Variants in WRAP73 observed in about 807,000 individuals in gnomAD.
WRAP73 encodes WD repeat containing, antisense to TP73.
WRAP73 carries 55 observed loss-of-function variants against 59.6 expected under a neutral mutation model. The observed-to-expected ratio is 0.92, with a 90% CI of 0.74 to 1.15. WRAP73 has a LOEUF of 1.15. WRAP73 is among the 50% of genes most tolerant of loss of function. WRAP73 has a pLI of 0.00. For synonymous variants in WRAP73, 265 were observed against 258.2 expected (o/e 1.03, Z -0.25); for missense variants, 592 against 608.1 (o/e 0.97, Z 0.28).
chr1:3,633,564 C>T (rs1644560885), intron 8 of WRAP73, 61 bp from the exon 9 acceptor site: 7 of 1,343,328 alleles, frequency 5.2e-6, no homozygotes, highest in South Asian at 2.8e-5. Flanking sequence ...CAAGGATGGA[C>T]GTGGCAAATG....
chr1:3,647,284 A>G, intron 2 of WRAP73, 124 bp downstream of exon 2: 1 of 1,070,698 alleles, frequency 9.3e-7, no homozygotes, highest in Non-Finnish European at 1.3e-6. Context: ...TTATAATTTC[A>G]AAAGAAAACT....
intron 5 of WRAP73, chr1:3,636,428 C>CTCAT: frequency 6.3e-6 from 2 of 315,572 alleles, no homozygotes; most frequent in South Asian, 2.8e-5. Context: ...CGCACCTGCA[C>CTCAT]TCATGTGCAC....
intron 7 of WRAP73, 21 bp from the exon 8 acceptor site, chr1:3,635,095 C>T (rs758598912): frequency 6.2e-7 from 1 of 1,614,210 alleles, no homozygotes; most frequent in Non-Finnish European, 8.5e-7. Context: ...AAACCATGCA[C>T]AGGTGAGGCA....
In WRAP73 at chr1:3,639,902, C is replaced by T. The variant is rs1442853672; in HGVS notation, c.340-1080G>A. 1.3e-5 allele frequency among the ~76,000 whole-genome samples: 2 copies of T among 152,138 alleles called. No homozygotes were observed. Among genetic ancestry groups the T allele is most frequent in the African/African-American group, 4.8e-5 (2 of 41,430 alleles). On this transcript the variant is annotated intron_variant, in intron 3 of 11. Coordinates refer to ENST00000270708, the MANE Select transcript of WRAP73 (RefSeq NM_017818.4). This position sits in a 1 kb window ranked among gnomAD's most constrained non-coding sequence, Gnocchi z 4.3. ...CGGGGTGGGGGACCGTCTCCAGCAG[C>T]GTAAGTGGGGCCGCAGCGTGTGGGG...
At position 3,630,885 on chromosome 1, in the gene WRAP73, C is replaced by A. The variant is rs769075832; in HGVS notation, c.*90G>T. 2 of 1,508,894 alleles carry A rather than the reference C, an allele frequency of 1.3e-6. No individual in the cohort carries two copies. Among genetic ancestry groups the A allele is most frequent in the Non-Finnish European group, 1.8e-6 (2 of 1,118,478 alleles). 93.5% of individuals were successfully genotyped at this position (1,508,894 alleles called of 1,614,324 possible). A position where few individuals can be genotyped will look rare whatever the true frequency, so the allele number is the denominator to read the frequency against. On this transcript the variant is annotated 3_prime_UTR_variant, in exon 12 of 12. Coordinates refer to ENST00000270708, the MANE Select transcript of WRAP73 (RefSeq NM_017818.4). ...GAATCAATCACTGAATCCAGACCAC[C>A]ACAGTGGAGAACCTCCTGGTGAAGC...
intron 3 of WRAP73, among the ~76,000 whole-genome samples, chr1:3,645,484 C>CGTGGTG (rs1491184768): frequency 6.8e-6 from 1 of 147,926 alleles, no homozygotes; most frequent in Non-Finnish European, 1.5e-5. Context: ...CGGGTTGCCC[C>CGTGGTG]GTGGTGTGCG....
chr1:3,645,351 C>T (rs1644678780), intron 3 of WRAP73, among the ~76,000 whole-genome samples: 2 of 101,202 alleles, frequency 2.0e-5, no homozygotes, highest in African/African-American at 3.0e-5. Context: ...AGCGGCGCAG[C>T]GGGATGGGCG....
In WRAP73 at chr1:3,650,034, G is replaced by C. The variant is rs370260921; in HGVS notation, c.-35C>G. The C allele has an allele frequency of 2.6e-6, 4 of 1,564,494 alleles. No individual in the cohort carries two copies. In the African/African-American group the frequency reaches 5.6e-5, roughly 22 times the overall value. On this transcript the variant is annotated 5_prime_UTR_variant, in exon 1 of 12. Transcript: ENST00000270708. ...CTGCCGCGGGCGCCACCCTGCGCCC[G>C]AAAACCCGCGGGACCCCTGGGCGCG...
At chr1:3,631,225 T>A (rs1644529636) in intron 11 of WRAP73, 108 bp from the exon 12 acceptor site, 7 of 1,528,198 alleles carry the variant, frequency 4.6e-6, no homozygotes, top group Non-Finnish European at 5.3e-6. Flanking sequence ...GTGACCCACA[T>A]AGGCAGAGCC....
chr1:3,634,126 A>G (rs72855490), intron 8 of WRAP73: 20,594 of 152,520 alleles, frequency 0.14, 2,499 homozygotes, highest in African/African-American at 0.32. Flanking sequence ...CTGTCCAGAC[A>G]CCCTGGCCTC....
intron 7 of WRAP73, 34 bp downstream of exon 7, chr1:3,635,126 T>C: frequency 6.2e-7 from 1 of 1,613,990 alleles, no homozygotes; most frequent in Non-Finnish European, 8.5e-7. Context: ...CGCTGGGCGG[T>C]CGGACTTCCT....
At chr1:3,632,122 C>A in intron 10 of WRAP73, 91 bp downstream of exon 10, 3 of 1,520,500 alleles carry the variant, frequency 2.0e-6, no homozygotes, top group Non-Finnish European at 2.6e-6. Flanking sequence ...GTCGGAAACC[C>A]CCAACTTCAT....
rs376554682 is a variant in WRAP73, at chr1:3,631,372, G to A, written c.1240+94C>T. The A allele has an allele frequency of 4.8e-4, 698 of 1,459,588 alleles. 7 individuals carry two copies. In the Middle Eastern group the frequency reaches 7.4e-3, roughly 15 times the overall value. The allele number at this position is 1,459,588 out of a possible 1,614,324, so 90.4% of individuals were successfully genotyped here. A position where few individuals can be genotyped will look rare whatever the true frequency, so the allele number is the denominator to read the frequency against. ...AGGGCAGTTTCCCTGGAGTGCTGCCGGAGACAGCAGCTGGGCTTCAACAGT... is the reference window on the plus strand; with the variant it reads ...AGGGCAGTTTCCCTGGAGTGCTGCCAGAGACAGCAGCTGGGCTTCAACAGT... On this transcript the variant is annotated intron_variant, in intron 11 of 11. Coordinates refer to ENST00000270708, the MANE Select transcript of WRAP73 (RefSeq NM_017818.4).
rs371723182 is a variant in WRAP73 at position 3,631,593 on chromosome 1, C to T, written c.1113G>A (p.Glu371=). ...IQKLRLFAVL[E]QLSPVRAFQW... ...GAAATGCGCGCACTGGGGACAGCTG[C>T]TCGAGCACCGCGAACAGCCTCAGCT... is the stretch of plus-strand genomic sequence containing the variant. The change falls in exon 11 of 12, where the codon GAG becomes GAA. Residue 371 remains glutamate, a synonymous_variant. Coordinates refer to ENST00000270708, the MANE Select transcript of WRAP73 (RefSeq NM_017818.4). 3.1e-6 allele frequency: 5 copies of T among 1,607,988 alleles called. No homozygotes were observed. The highest frequency in any genetic ancestry group is 4.2e-6 in the Non-Finnish European group (5 of 1,179,868).
At chr1:3,634,813 G>A (rs563380883) in intron 8 of WRAP73, 184 bp downstream of exon 8, 21 of 740,462 alleles carry the variant, frequency 2.8e-5, no homozygotes, top group African/African-American at 5.2e-5. Context: ...TTTGGGCAGC[G>A]TGGAGGAGGA....
At chr1:3,635,133 T>C (rs1483446153) in intron 7 of WRAP73, 27 bp downstream of exon 7, 2 of 1,614,120 alleles carry the variant, frequency 1.2e-6, no homozygotes, top group East Asian at 2.2e-5. Context: ...CGGTCGGACT[T>C]CCTGAGTGCC....
Position 3,646,830 on chromosome 1 carries a change from CGA to C in WRAP73, c.223-50_223-49del, listed in dbSNP as rs765341781. The C allele has an allele frequency of 2.0e-6, 3 of 1,518,438 alleles. No homozygotes were observed. The highest frequency in any genetic ancestry group is 2.3e-5 in the East Asian group (1 of 44,326). 94.1% of individuals were successfully genotyped at this position (1,518,438 alleles called of 1,614,324 possible). A position where few individuals can be genotyped will look rare whatever the true frequency, so the allele number is the denominator to read the frequency against. The stretch of plus-strand genomic sequence containing the variant: ...CACACAAGTGCAAACTCATCAGCAC[CGA>C]GAGACAGCGAGGACAGCTCGCTTAA... On this transcript the variant is annotated intron_variant, in intron 2 of 11. Coordinates refer to ENST00000270708, the MANE Select transcript of WRAP73 (RefSeq NM_017818.4). The surrounding 1 kb of genome is among the most constrained non-coding windows in gnomAD (Gnocchi z 5.1).
intron 2 of WRAP73, chr1:3,647,166 C>T (rs960227067): frequency 6.2e-6 from 3 of 487,334 alleles, no homozygotes; most frequent in South Asian, 3.4e-5. Flanking sequence ...ACACCACATC[C>T]GCGTGGCTAG....
chr1:3,635,816 G>C, intron 6 of WRAP73, 128 bp downstream of exon 6: 1 of 827,044 alleles, frequency 1.2e-6, no homozygotes, highest in South Asian at 1.7e-5. Flanking sequence ...GCAAGACCCT[G>C]TCTTTTAAAA....
Sources: allele counts gnomAD v4.1 joint callset (sites outside exome capture counted in the v4.1 genomes callset), GRCh38; gene constraint gnomAD v4.1.1; non-coding constraint Gnocchi (gnomAD v3.1); transcripts MANE v1.5; gene names NCBI Gene and HGNC (gene_info 2026-07-23, HGNC 2026-07-21).